Variants in SETD3 observed in about 807,000 individuals in gnomAD.
SETD3 encodes SET domain containing 3, actin N3(tau)-histidine methyltransferase.
In SETD3, 19 loss-of-function variants were observed where a neutral mutation model predicts 63.0. The ratio of observed to expected loss-of-function variants is 0.30; its 90% CI spans 0.21 to 0.44. SETD3 has a LOEUF of 0.44. SETD3 is among the 20% of genes least tolerant of loss of function. The pLI is 1.00. For synonymous variants in SETD3, 286 were observed against 264.1 expected, an observed-to-expected ratio of 1.08 and a Z score of -0.80; for missense variants, 587 against 728.5, an observed-to-expected ratio of 0.81 and a Z score of 2.24.
At position 99,406,491 on chromosome 14, in the gene SETD3, T is replaced by C. The variant is rs768066772; in HGVS notation, c.924+25A>G. On this transcript the variant is annotated intron_variant, in intron 9 of 12. Coordinates refer to ENST00000331768, the MANE Select transcript of SETD3 (RefSeq NM_032233.3). ...GTTAGTGCCCACTGGCTGGCTCACATTTTGTGAGATGCCACGAGACCCACC... is the reference window on the plus strand; with the variant it reads ...GTTAGTGCCCACTGGCTGGCTCACACTTTGTGAGATGCCACGAGACCCACC... 7.4e-6 allele frequency: 12 copies of C among 1,610,880 alleles called. No homozygotes were observed. The Admixed American group carries it at 1.0e-4, about 13-fold the overall frequency.
the SETD3 span, among the ~76,000 whole-genome samples, chr14:99,485,891 C>T: frequency 6.6e-6 from 1 of 152,138 alleles, no homozygotes; most frequent in African/African-American, 2.4e-5. Flanking sequence ...AACCTATTTC[C>T]TAGTCTGTTC....
At position 99,411,309 on chromosome 14, in the gene SETD3, C is replaced by CTAAT. The variant is rs55719704; in HGVS notation, c.849+1641_849+1642insATTA. The CTAAT allele has an allele frequency of 4.3e-3, 654 of 151,228 alleles. 5 individuals are homozygous for CTAAT. Among genetic ancestry groups the CTAAT allele is most frequent in the African/African-American group, 0.014 (596 of 41,192 alleles). The allele number at this position is 151,228 out of a possible 1,614,324, so 9.4% of individuals were successfully genotyped here. On this transcript the variant is annotated intron_variant, in intron 8 of 12. Coordinates refer to ENST00000331768, the MANE Select transcript of SETD3 (RefSeq NM_032233.3). ...ATCAATTTCTTTATTTTGAGATAAA[C>CTAAT]CTCTTTTTTTTTTAACACTTGGTAG...
upstream of SETD3, among the ~76,000 whole-genome samples, chr14:99,482,627 G>A (rs1456292740): frequency 6.6e-6 from 1 of 152,098 alleles, no homozygotes; most frequent in Non-Finnish European, 1.5e-5. Flanking sequence ...ATTATATTGT[G>A]ATGCATTATT....
intron 11 of SETD3, among the ~76,000 whole-genome samples, chr14:99,402,828 T>C (rs1207146197): frequency 2.0e-5 from 3 of 152,238 alleles, no homozygotes; most frequent in Non-Finnish European, 4.4e-5. Flanking sequence ...ACTGAGCATG[T>C]ACCAAATGTA....
At chr14:99,399,682 T>C (rs1891274929) in intron 12 of SETD3, among the ~76,000 whole-genome samples, 1 of 151,820 alleles carries the variant, frequency 6.6e-6, no homozygotes, top group African/African-American at 2.4e-5. Flanking sequence ...AAATTTCAAA[T>C]GCAATCATTT....
Position 99,469,020 on chromosome 14 carries a change from C to G in SETD3, c.-8-3207G>C, listed in dbSNP as rs74663522. 4.1e-3 allele frequency among the ~76,000 whole-genome samples: 617 copies of G among 152,322 alleles called. 3 individuals are homozygous for G. Among genetic ancestry groups the G allele is most frequent in the African/African-American group, 0.013 (555 of 41,562 alleles). On this transcript the variant is annotated intron_variant, in intron 1 of 12. Coordinates refer to ENST00000331768, the MANE Select transcript of SETD3 (RefSeq NM_032233.3). ...TACCCAGGTTTCCATCCCCTTGGAA[C>G]AGACAGGAAATGTCTAATTCCTGCT...
intron 6 of SETD3, among the ~76,000 whole-genome samples, chr14:99,429,410 T>C (rs1006605215): frequency 3.3e-5 from 5 of 152,108 alleles, no homozygotes; most frequent in African/African-American, 1.2e-4. Context: ...GGAGCACTGG[T>C]GAGACGCAGG....
intron 6 of SETD3, among the ~76,000 whole-genome samples, chr14:99,438,605 G>C (rs1401055036): frequency 1.3e-5 from 2 of 152,164 alleles, no homozygotes; most frequent in African/African-American, 4.8e-5. Flanking sequence ...CATCCAGTTT[G>C]TCACCAGATC....
At chr14:99,449,222 G>GT (rs1379763949) in intron 6 of SETD3, among the ~76,000 whole-genome samples, 1 of 152,170 alleles carries the variant, frequency 6.6e-6, no homozygotes, top group Non-Finnish European at 1.5e-5. Context: ...CACTACAGTA[G>GT]TAACTATTAC....
chr14:99,448,979 C>T (rs1366110319), intron 6 of SETD3, among the ~76,000 whole-genome samples: 6 of 152,122 alleles, frequency 3.9e-5, no homozygotes, highest in South Asian at 2.1e-4. Flanking sequence ...TTATCAGTGA[C>T]GAGGAAATCA....
At chr14:99,435,734 A>ACC (rs939261334) in intron 6 of SETD3, among the ~76,000 whole-genome samples, 1 of 112,220 alleles carries the variant, frequency 8.9e-6, no homozygotes, top group Non-Finnish European at 1.8e-5. Flanking sequence ...CAGGTTCCCC[A>ACC]CCCCCCCACC....
At chr14:99,410,304 A>T in intron 8 of SETD3, 1 of 1,597,566 alleles carries the variant, frequency 6.3e-7, no homozygotes, top group South Asian at 1.1e-5. Context: ...CTTGTCTGCT[A>T]TTGTAAAAAT....
chr14:99,436,588 A>G (rs1002465490), intron 6 of SETD3, among the ~76,000 whole-genome samples: 16 of 152,306 alleles, frequency 1.1e-4, no homozygotes, highest in African/African-American at 1.9e-4. Flanking sequence ...GAATAAAAGT[A>G]AGTGAGTTTG....
intron 6 of SETD3, among the ~76,000 whole-genome samples, chr14:99,429,550 T>G (rs1893060640): frequency 6.6e-6 from 1 of 152,244 alleles, no homozygotes; most frequent in Admixed American, 6.5e-5. Flanking sequence ...ATGATTGTCA[T>G]TAATATGGTT....
At chr14:99,443,819 T>C (rs1016951955) in intron 6 of SETD3, among the ~76,000 whole-genome samples, 6 of 152,176 alleles carry the variant, frequency 3.9e-5, no homozygotes, top group African/African-American at 1.4e-4. Flanking sequence ...TGCCTCAATA[T>C]AAGGAATGGC....
chr14:99,468,964 G>A (rs1285350918), intron 1 of SETD3, among the ~76,000 whole-genome samples: 1 of 152,130 alleles, frequency 6.6e-6, no homozygotes, highest in Non-Finnish European at 1.5e-5. Context: ...CAGGTCTTAG[G>A]TCAGGTTACA....
chr14:99,410,287 G>T (rs368364019), intron 8 of SETD3: 1 of 1,609,348 alleles, frequency 6.2e-7, no homozygotes, highest in South Asian at 1.1e-5. Flanking sequence ...CAGGTTGTTC[G>T]GAGAGACTTG....
Position 99,398,605 on chromosome 14 carries a change from G to C in SETD3, c.*74C>G, listed in dbSNP as rs1891206693. The C allele has an allele frequency of 7.4e-7, 1 of 1,347,082 alleles. No individual in the cohort carries two copies. Among genetic ancestry groups the C allele is most frequent in the East Asian group, 2.3e-5 (1 of 43,146 alleles). The allele number at this position is 1,347,082 out of a possible 1,614,324, so 83.4% of individuals were successfully genotyped here. A position where few individuals can be genotyped will look rare whatever the true frequency, so the allele number is the denominator to read the frequency against. ...TCTGCAGAAAGAAAAATGTTAACAA[G>C]GAAACACAGCGATGTGAACGGACTG... On this transcript the variant is annotated 3_prime_UTR_variant, in exon 13 of 13. Transcript: ENST00000331768.
chr14:99,398,945 G>C lies in SETD3; in HGVS notation c.1519C>G (p.Leu507Val). 6.2e-7 allele frequency: 1 copy of C among 1,614,046 alleles called. No homozygotes were observed. Among genetic ancestry groups the C allele is most frequent in the South Asian group, 1.1e-5 (1 of 91,086 alleles). ...APLPKYEESN[L>V]GLLESSVGDS... The stretch of plus-strand genomic sequence containing the variant: ...CCCACGCTGCTCTCCAACAGCCCAA[G>C]GTTACTCTCTTCATATTTGGGAAGC... Residue 507 changes from leucine (L) to valine (V), a missense_variant, in exon 13 of 13, where the codon CTT becomes GTT. Leu to Val is a conservative substitution (Grantham distance 32). Transcript: ENST00000331768.
Sources: allele counts gnomAD v4.1 joint callset (sites outside exome capture counted in the v4.1 genomes callset), GRCh38; gene constraint gnomAD v4.1.1; transcripts MANE v1.5; gene names NCBI Gene and HGNC (gene_info 2026-07-23, HGNC 2026-07-21).